Variants in COL5A1 observed in about 807,000 individuals in gnomAD.
COL5A1 encodes the protein collagen type V alpha 1 chain.
A neutral mutation model predicts 263.7 loss-of-function variants in COL5A1; 16 were observed. That is an observed-to-expected ratio of 0.06 (90% CI 0.04 to 0.09). The LOEUF is 0.09. Ranked by LOEUF, COL5A1 falls within the 10% of genes least tolerant of loss-of-function variation. The pLI is 1.00. For missense variants in COL5A1, 2,036 were observed against 2,540.5 expected, an observed-to-expected ratio of 0.80 and a Z score of 4.27; for synonymous variants, 1,012 against 1,004.5, an observed-to-expected ratio of 1.01 and a Z score of -0.14.
In COL5A1 at chr9:134,681,142, G is replaced by T. The variant is rs1832842891; in HGVS notation, c.110-9770G>T. Among the ~76,000 whole-genome samples, 1 of 152,186 alleles carries T rather than the reference G, an allele frequency of 6.6e-6. No individual in the cohort carries two copies. Among genetic ancestry groups the T allele is most frequent in the South Asian group, 2.1e-4 (1 of 4,830 alleles). On this transcript the variant is annotated intron_variant, in intron 1 of 65. Transcript: ENST00000371817. The surrounding 1 kb of genome is among the most constrained non-coding windows in gnomAD (Gnocchi z 4.3). ...GACCTGCTGGGTTGACCTCACTGAT[G>T]AGGCCGCCTGCCTTGCAGGGAGGGC...
intron 1 of COL5A1, chr9:134,649,570 T>A: frequency 2.2e-6 from 1 of 446,312 alleles, no homozygotes. Flanking sequence ...GGGTTTCTGG[T>A]GGCCTCTTTT....
intron 1 of COL5A1, among the ~76,000 whole-genome samples, chr9:134,688,915 A>G (rs1034352679): frequency 6.7e-6 from 1 of 148,736 alleles, no homozygotes; most frequent in African/African-American, 2.5e-5. Flanking sequence ...ATTTCCCTCC[A>G]CCCTGGTCTC....
chr9:134,680,633 G>A lies in COL5A1; in HGVS notation c.110-10279G>A, dbSNP rs544195521. ...TTGAGGTGGGGCCCCAGGGGCTTGG[G>A]GAGGGTGGCCATGCTGTGCACTGCA... On this transcript the variant is annotated intron_variant, in intron 1 of 65. Transcript: ENST00000371817. This position sits in a 1 kb window ranked among gnomAD's most constrained non-coding sequence, Gnocchi z 5.9. Among the ~76,000 whole-genome samples the A allele has an allele frequency of 2.6e-5, 4 of 152,342 alleles. No homozygotes were observed. Among genetic ancestry groups the A allele is most frequent in the African/African-American group, 9.6e-5 (4 of 41,578 alleles).
intron 14 of COL5A1, among the ~76,000 whole-genome samples, chr9:134,753,458 C>T (rs1281924160): frequency 6.6e-6 from 1 of 152,180 alleles, no homozygotes; most frequent in Non-Finnish European, 1.5e-5. Flanking sequence ...GGGCCTGACT[C>T]AGGGCTGGCC....
rs2132456454 is a variant in COL5A1 at position 134,642,933 on chromosome 9, T to C, written c.109+637T>C. 6.6e-6 allele frequency among the ~76,000 whole-genome samples: 1 copy of C among 152,312 alleles called. No individual in the cohort carries two copies. The highest frequency in any genetic ancestry group is 1.9e-4 in the East Asian group (1 of 5,182). On this transcript the variant is annotated intron_variant, in intron 1 of 65. Transcript: ENST00000371817. This position sits in a 1 kb window ranked among gnomAD's most constrained non-coding sequence, Gnocchi z 4.5. ...CTGCTCCTAATCCCACCCCCAAACT[T>C]CTTGATCCCTGGAAGGCAGCTTTTC...
rs568609972 is a variant in COL5A1, at chr9:134,821,039, G to T, written c.4554+816G>T. Among the ~76,000 whole-genome samples, 40 of 152,256 alleles carry T rather than the reference G, an allele frequency of 2.6e-4. No homozygotes were observed. Among genetic ancestry groups the T allele is most frequent in the African/African-American group, 9.6e-4 (40 of 41,554 alleles). On this transcript the variant is annotated intron_variant, in intron 58 of 65. Coordinates refer to ENST00000371817, the MANE Select transcript of COL5A1 (RefSeq NM_000093.5). The surrounding 1 kb of genome is among the most constrained non-coding windows in gnomAD (Gnocchi z 4.2). Reference sequence around the variant, plus strand: ...GGGCCCGGGGAAGGTTGCAGGACATGGCTGAAGGGTGGAGCTCATTGCAAA... The same window carrying T: ...GGGCCCGGGGAAGGTTGCAGGACATTGCTGAAGGGTGGAGCTCATTGCAAA...
At chr9:134,804,842 C>G in intron 39 of COL5A1, 133 bp from the exon 40 acceptor site, 1 of 772,270 alleles carries the variant, frequency 1.3e-6, no homozygotes, top group South Asian at 1.5e-5. Flanking sequence ...CCCTTGGCCT[C>G]GCTCTGGGAC....
intron 9 of COL5A1, 128 bp downstream of exon 9, chr9:134,732,255 C>T: frequency 1.1e-6 from 1 of 923,440 alleles, no homozygotes; most frequent in Non-Finnish European, 1.8e-6. Flanking sequence ...TTCGAGCAAC[C>T]ACCTGGTCTC....
At chr9:134,726,466 A>G (rs1309560004) in intron 4 of COL5A1, among the ~76,000 whole-genome samples, 1 of 152,048 alleles carries the variant, frequency 6.6e-6, no homozygotes, top group African/African-American at 2.4e-5. Flanking sequence ...GAGTGGATGG[A>G]TGGGTGAATG....
chr9:134,826,750 T>TGTGTGTGGCTG (rs1018423832), intron 63 of COL5A1, among the ~76,000 whole-genome samples: 345 of 149,040 alleles, frequency 2.3e-3, no homozygotes, highest in African/African-American at 8.1e-3. Flanking sequence ...GGTGTTCGGG[T>TGTGTGTGGCTG]GTGTGTGGCT....
chr9:134,666,360 C>G (rs1832356046), intron 1 of COL5A1, among the ~76,000 whole-genome samples: 1 of 151,408 alleles, frequency 6.6e-6, no homozygotes, highest in African/African-American at 2.4e-5. Flanking sequence ...GCACAGGCTC[C>G]TGGGGCCATT....
intron 13 of COL5A1, 132 bp downstream of exon 13, chr9:134,751,014 G>T (rs966209847): frequency 1.2e-6 from 1 of 815,260 alleles, no homozygotes; most frequent in Non-Finnish European, 2.1e-6. Flanking sequence ...ATGCCTGCTT[G>T]CTGGGGTCAG....
Position 134,647,880 on chromosome 9 carries a change from T to A in COL5A1, c.109+5584T>A, listed in dbSNP as rs1341993945. Among the ~76,000 whole-genome samples the A allele has an allele frequency of 6.6e-6, 1 of 152,214 alleles. No individual in the cohort carries two copies. The highest frequency in any genetic ancestry group is 6.5e-5 in the Admixed American group (1 of 15,280). ...GGCCTGGCTGGTGGATGTGCCTCGA[T>A]CCTGCAGGCGGAGCCCACAGCGGCC... On this transcript the variant is annotated intron_variant, in intron 1 of 65. Coordinates refer to ENST00000371817, the MANE Select transcript of COL5A1 (RefSeq NM_000093.5). The surrounding 1 kb of genome is among the most constrained non-coding windows in gnomAD (Gnocchi z 5.0).
rs1837863156 is a variant in COL5A1, at chr9:134,795,335, G to A, written c.2799+20G>A. ...CCCAAGGTATGTTTTTGGCCTCCTG[G>A]GCGGTGGGCGGCGTGAACCCAAGTT... On this transcript the variant is annotated intron_variant, in intron 34 of 65. Coordinates refer to ENST00000371817, the MANE Select transcript of COL5A1 (RefSeq NM_000093.5). 6.2e-7 allele frequency: 1 copy of A among 1,612,698 alleles called. No homozygotes were observed. Among genetic ancestry groups the A allele is most frequent in the Non-Finnish European group, 8.5e-7 (1 of 1,179,412 alleles).
rs767602549 is a variant in COL5A1 at position 134,700,333 on chromosome 9, C to T, written c.491+211C>T. 6.6e-6 allele frequency among the ~76,000 whole-genome samples: 1 copy of T among 152,190 alleles called. No individual in the cohort carries two copies. Among genetic ancestry groups the T allele is most frequent in the Non-Finnish European group, 1.5e-5 (1 of 68,024 alleles). On this transcript the variant is annotated intron_variant, in intron 3 of 65. Transcript: ENST00000371817. This position sits in a 1 kb window ranked among gnomAD's most constrained non-coding sequence, Gnocchi z 4.0. ...CATCCTCTGTGGCTCTGGGGAGTCA[C>T]TTCTCCTCCCTGGCCCTCCATTATC...
chr9:134,717,691 G>A (rs1001299159), intron 4 of COL5A1, among the ~76,000 whole-genome samples: 1 of 152,152 alleles, frequency 6.6e-6, no homozygotes, highest in African/African-American at 2.4e-5. Flanking sequence ...CATGCTTGCC[G>A]ACCGCTTCTC....
In COL5A1 at chr9:134,812,568, G is replaced by A. The variant is rs45629034; in HGVS notation, c.3745-37G>A. On this transcript the variant is annotated intron_variant, in intron 47 of 65. Transcript: ENST00000371817. Reference sequence around the variant, plus strand: ...GCTCATGTTTTGGGGAAACATTTGCGTTTCCTCTGGGCTCAGTGGTCTCTC... The same window carrying A: ...GCTCATGTTTTGGGGAAACATTTGCATTTCCTCTGGGCTCAGTGGTCTCTC... The A allele has an allele frequency of 0.092, 147,937 of 1,611,018 alleles. 7,315 individuals carry two copies. Among genetic ancestry groups the A allele is most frequent in the African/African-American group, 0.17 (12,777 of 74,946 alleles).
At chr9:134,802,480 A>G (rs559596759) in intron 38 of COL5A1, among the ~76,000 whole-genome samples, 83 of 152,332 alleles carry the variant, frequency 5.4e-4, no homozygotes, top group African/African-American at 1.9e-3. Flanking sequence ...CGCACACCTC[A>G]TGTAGCGGTG....
chr9:134,822,479 G>T (rs923379042), intron 59 of COL5A1, among the ~76,000 whole-genome samples: 2 of 152,288 alleles, frequency 1.3e-5, no homozygotes, highest in Non-Finnish European at 2.9e-5. Context: ...ATTCCCAGGA[G>T]CCCGGCCAGC....
Sources: allele counts gnomAD v4.1 joint callset (sites outside exome capture counted in the v4.1 genomes callset), GRCh38; gene constraint gnomAD v4.1.1; non-coding constraint Gnocchi (gnomAD v3.1); transcripts MANE v1.5; gene names NCBI Gene and HGNC (gene_info 2026-07-23, HGNC 2026-07-21).